TMEM39B: variants seen among roughly 807,000 people sequenced by gnomAD.
The protein encoded by TMEM39B is transmembrane protein 39B.
In TMEM39B, 23 loss-of-function variants were observed where a neutral mutation model predicts 52.2. The observed-to-expected ratio is 0.44, with a 90% CI of 0.32 to 0.62. The LOEUF (loss-of-function observed/expected upper bound fraction) is 0.62. TMEM39B is among the 20% of genes least tolerant of loss of function. The pLI is 0.06. For synonymous variants in TMEM39B, 285 were observed against 264.0 expected (o/e 1.08, Z -0.77); for missense variants, 547 against 642.0 (o/e 0.85, Z 1.60).
intron 1 of TMEM39B, among the ~76,000 whole-genome samples, chr1:32,074,134 G>A (rs921183375): frequency 2.0e-5 from 3 of 152,060 alleles, no homozygotes; most frequent in Non-Finnish European, 2.9e-5. Context: ...AGACTGCTCA[G>A]CCTAGTAGGT....
Position 32,094,989 on chromosome 1 carries a change from G to A in TMEM39B, c.1115+18G>A. On this transcript the variant is annotated intron_variant, in intron 7 of 8. Coordinates refer to ENST00000336294, the MANE Select transcript of TMEM39B (RefSeq NM_018056.4). Reference sequence around the variant, plus strand: ...CAGCACCCGTGAGTCACCCTACCCTGCTCAACCCAATCCCAGCCCTTCTGG... The same window carrying A: ...CAGCACCCGTGAGTCACCCTACCCTACTCAACCCAATCCCAGCCCTTCTGG... 1 of 1,610,180 alleles carries A rather than the reference G, an allele frequency of 6.2e-7. No individual in the cohort carries two copies. The highest frequency in any genetic ancestry group is 1.1e-5 in the South Asian group (1 of 91,024).
chr1:32,089,240 G>A (rs951945148), intron 5 of TMEM39B, among the ~76,000 whole-genome samples: 1 of 150,884 alleles, frequency 6.6e-6, no homozygotes, highest in African/African-American at 2.4e-5. Flanking sequence ...CTAGGATCAG[G>A]TGATCTTCCC....
At chr1:32,088,620 T>G (rs1381761863) in intron 5 of TMEM39B, among the ~76,000 whole-genome samples, 1 of 150,856 alleles carries the variant, frequency 6.6e-6, no homozygotes, top group African/African-American at 2.4e-5. Context: ...TAGACTCACA[T>G]GTAGGGTGGA....
At chr1:32,086,726 C>A (rs1428325864) in intron 5 of TMEM39B, among the ~76,000 whole-genome samples, 2 of 151,356 alleles carry the variant, frequency 1.3e-5, no homozygotes, top group African/African-American at 2.4e-5. Context: ...GAGATTGCAC[C>A]ACTGCACTCT....
chr1:32,084,239 C>G lies in TMEM39B; in HGVS notation c.590+6921C>G, dbSNP rs56906972. Among the ~76,000 whole-genome samples the G allele has an allele frequency of 1.4e-3, 206 of 152,246 alleles. 1 individual carries two copies. Among genetic ancestry groups the G allele is most frequent in the African/African-American group, 4.8e-3 (200 of 41,542 alleles). On this transcript the variant is annotated intron_variant, in intron 5 of 8. Transcript: ENST00000336294. ...GCCTCTCAGTCATACTGCCTGTTGC[C>G]TGGAGTCCATTTCCTTCTCCCTGCT...
intron 1 of TMEM39B, chr1:32,073,550 C>T: frequency 1.0e-6 from 1 of 994,248 alleles, no homozygotes; most frequent in Non-Finnish European, 1.2e-6. Flanking sequence ...GTAGGCGGAG[C>T]TTCTGGGCTG....
In TMEM39B at chr1:32,091,606, C is replaced by T. The variant is rs966325480; in HGVS notation, c.591-69C>T. On this transcript the variant is annotated intron_variant, in intron 5 of 8. Coordinates refer to ENST00000336294, the MANE Select transcript of TMEM39B (RefSeq NM_018056.4). ...GAGGCCCAGGAAGGAAAGAAGATCC[C>T]CTCAGTGGCTGAGAGTTGGGATCCT... 2.0e-6 allele frequency: 3 copies of T among 1,498,892 alleles called. No individual in the cohort carries two copies. In the African/African-American group the frequency reaches 4.2e-5, roughly 21 times the overall value. The allele number at this position is 1,498,892 out of a possible 1,614,324, so 92.8% of individuals were successfully genotyped here. A position where few individuals can be genotyped will look rare whatever the true frequency, so the allele number is the denominator to read the frequency against.
chr1:32,073,327 C>T (rs534666465), intron 1 of TMEM39B: 3 of 425,178 alleles, frequency 7.1e-6, no homozygotes, highest in African/African-American at 4.4e-5. Context: ...GAAAGGGGGG[C>T]GGGACTTACC....
intron 7 of TMEM39B, among the ~76,000 whole-genome samples, chr1:32,097,456 G>A (rs941596536): frequency 1.3e-5 from 2 of 150,394 alleles, no homozygotes; most frequent in Admixed American, 6.7e-5. Flanking sequence ...TCAGCCTCCC[G>A]AGTAGCTGGG....
intron 7 of TMEM39B, among the ~76,000 whole-genome samples, chr1:32,099,744 C>A (rs946582555): frequency 1.3e-5 from 2 of 152,054 alleles, no homozygotes; most frequent in Non-Finnish European, 2.9e-5. Context: ...CACTAGGAAG[C>A]CTTCAAAAGG....
In TMEM39B at chr1:32,091,945, G is replaced by A. The variant is rs747502054; in HGVS notation, c.861G>A (p.Lys287=). 7.4e-6 allele frequency: 12 copies of A among 1,614,102 alleles called. No homozygotes were observed. The highest frequency in any genetic ancestry group is 2.7e-5 in the African/African-American group (2 of 74,942). ...AGATGGACTTCAACTGGCGCATGAAGGAAGTGCTCGTCAGCTCCATGCTGA... is the reference window on the plus strand; with the variant it reads ...AGATGGACTTCAACTGGCGCATGAAAGAAGTGCTCGTCAGCTCCATGCTGA... ...FLKMDFNWRM[K]EVLVSSMLSA... The change falls in exon 6 of 9, where the codon AAG becomes AAA. Residue 287 remains lysine, a synonymous_variant. Coordinates refer to ENST00000336294, the MANE Select transcript of TMEM39B (RefSeq NM_018056.4).
chr1:32,091,974 C>T lies in TMEM39B; in HGVS notation c.890C>T (p.Ala297Val). The T allele has an allele frequency of 1.2e-6, 2 of 1,614,152 alleles. No individual in the cohort carries two copies. The highest frequency in any genetic ancestry group is 1.7e-6 in the Non-Finnish European group (2 of 1,180,016). ...KEVLVSSMLS[A>V]YYVAFVPVWF... is the part of the protein sequence containing the mutation. ...GTGCTCGTCAGCTCCATGCTGAGCGCCTACTATGTGGCCTTTGTGCCTGTC... is the reference window on the plus strand; with the variant it reads ...GTGCTCGTCAGCTCCATGCTGAGCGTCTACTATGTGGCCTTTGTGCCTGTC... The change falls in exon 6 of 9, where the codon GCC (alanine) becomes GTC (valine). Residue 297 changes from alanine to valine, a missense_variant. Coordinates refer to ENST00000336294, the MANE Select transcript of TMEM39B (RefSeq NM_018056.4).
chr1:32,076,400 C>G (rs994446292), intron 3 of TMEM39B: 8 of 366,900 alleles, frequency 2.2e-5, no homozygotes, highest in Non-Finnish European at 4.3e-5. Flanking sequence ...CGTGAGCCAC[C>G]GCGCCCGGCC....
chr1:32,076,660 G>T, intron 3 of TMEM39B, 103 bp from the exon 4 acceptor site: 1 of 1,168,772 alleles, frequency 8.6e-7, no homozygotes, highest in South Asian at 1.3e-5. Context: ...AGAGAATGAG[G>T]ACAGTCTCTG....
Position 32,092,096 on chromosome 1 carries a change from A to T in TMEM39B, c.927+85A>T. On this transcript the variant is annotated intron_variant, in intron 6 of 8. Transcript: ENST00000336294. ...CCGATGTGAGTTCTCCTGCTGGCCT[A>T]ACTATGCTGTTTTTGATGTGATTTC... 4.0e-6 allele frequency: 5 copies of T among 1,265,800 alleles called. No homozygotes were observed. The South Asian group carries it at 7.0e-5, about 18-fold the overall frequency. 78.4% of individuals were successfully genotyped at this position (1,265,800 alleles called of 1,614,324 possible).
Position 32,077,319 on chromosome 1 carries a change from G to C in TMEM39B, c.590+1G>C, listed in dbSNP as rs768718909. On this transcript the variant is annotated splice_donor_variant, in intron 5 of 8. Transcript: ENST00000336294. LOFTEE classifies it high-confidence loss of function. ...TGAACCTCCTGTTCCTCTGCTATCC[G>C]TGAGTACCCCTCACTTCACCCCTCA... 21 of 1,613,968 alleles carry C rather than the reference G, an allele frequency of 1.3e-5. No individual in the cohort carries two copies. Among genetic ancestry groups the C allele is most frequent in the Non-Finnish European group, 1.8e-5 (21 of 1,179,986 alleles).
At chr1:32,092,151 T>A in intron 6 of TMEM39B, 140 bp downstream of exon 6, 1 of 777,800 alleles carries the variant, frequency 1.3e-6, no homozygotes, top group Admixed American at 2.9e-5. Flanking sequence ...GTGACTACTA[T>A]CTCCATTTTA....
chr1:32,092,444 C>A (rs1640645865), intron 6 of TMEM39B, among the ~76,000 whole-genome samples: 2 of 152,116 alleles, frequency 1.3e-5, no homozygotes, highest in African/African-American at 4.8e-5. Flanking sequence ...AAGCGTGAGC[C>A]ACTACATCCA....
chr1:32,093,399 C>CTTTT (rs34793281), intron 6 of TMEM39B, among the ~76,000 whole-genome samples: 11 of 50,334 alleles, frequency 2.2e-4, no homozygotes, highest in African/African-American at 5.4e-4. Flanking sequence ...AAGCCCGGCC[C>CTTTT]TTTTTTTTTT....
Sources: gnomAD v4.1 joint callset for allele counts (sites outside exome capture counted in the v4.1 genomes callset) on GRCh38, gnomAD v4.1.1 for gene constraint, MANE v1.5 for transcripts, NCBI Gene and HGNC (gene_info 2026-07-23, HGNC 2026-07-21) for gene names.